Variants in TMCO6 observed in about 807,000 individuals in gnomAD.
TMCO6 encodes transmembrane and coiled-coil domains 6, also known as transmembrane and coiled-coil domain-containing protein 6.
A neutral mutation model predicts 61.8 loss-of-function variants in TMCO6; 47 were observed. The ratio of observed to expected loss-of-function variants is 0.76; its 90% CI spans 0.60 to 0.97. The LOEUF is 0.97. Among genes scored for constraint, TMCO6 ranks in the 50% least tolerant of loss-of-function variants. The pLI is 0.00. For missense variants in TMCO6, 557 were observed against 601.6 expected, an observed-to-expected ratio of 0.93 and a Z score of 0.78; for synonymous variants, 261 against 254.2, an observed-to-expected ratio of 1.03 and a Z score of -0.25.
At chr5:140,623,803 A>G in the TMCO6 span, among the ~76,000 whole-genome samples, 4 of 151,906 alleles carry the variant, frequency 2.6e-5, no homozygotes, top group East Asian at 1.9e-4. Flanking sequence ...CTAGTCTCAA[A>G]CTCCTGACCT....
the TMCO6 span, among the ~76,000 whole-genome samples, chr5:140,626,342 AT>A: frequency 0.15 from 23,515 of 152,050 alleles, 1,893 homozygotes; most frequent in Non-Finnish European, 0.17. Flanking sequence ...AAGATATCCA[AT>A]TTTAATCAGT....
intron 7 of TMCO6, 176 bp downstream of exon 7, chr5:140,643,217 C>T: frequency 8.1e-6 from 7 of 862,290 alleles, no homozygotes; most frequent in Non-Finnish European, 1.0e-5. Context: ...TTTTTTGAGA[C>T]AGTCTCACTC....
At chr5:140,630,411 A>G in the TMCO6 span, among the ~76,000 whole-genome samples, 1 of 152,242 alleles carries the variant, frequency 6.6e-6, no homozygotes, top group South Asian at 2.1e-4. Flanking sequence ...TGGCTTAACC[A>G]ACAGAAATTT....
chr5:140,647,623 C>G (rs760458290), downstream of TMCO6: 2 of 1,598,316 alleles, frequency 1.3e-6, no homozygotes, highest in Non-Finnish European at 1.7e-6. Flanking sequence ...GGTCTTCAGG[C>G]CAAGTGCTCC....
chr5:140,615,069 G>T, the TMCO6 span, among the ~76,000 whole-genome samples: 4 of 152,136 alleles, frequency 2.6e-5, no homozygotes, highest in African/African-American at 9.7e-5. Context: ...ATTCCAAAAA[G>T]CCTGTTATAA....
chr5:140,612,739 A>ACCG, the TMCO6 span, among the ~76,000 whole-genome samples: 4 of 152,212 alleles, frequency 2.6e-5, no homozygotes, highest in Non-Finnish European at 4.4e-5. Flanking sequence ...AAAGTTGAAA[A>ACCG]CAAAAGATCA....
At chr5:140,627,203 CT>C in the TMCO6 span, among the ~76,000 whole-genome samples, 257 of 147,530 alleles carry the variant, frequency 1.7e-3, no homozygotes, top group Non-Finnish European at 2.0e-3. Flanking sequence ...GTCTCAGCAA[CT>C]TTTTTTTTTT....
At chr5:140,617,466 G>T in the TMCO6 span, among the ~76,000 whole-genome samples, 2 of 152,148 alleles carry the variant, frequency 1.3e-5, no homozygotes, top group Non-Finnish European at 2.9e-5. Context: ...AGGCAGAATT[G>T]CTTGAACGTA....
the TMCO6 span, chr5:140,609,547 C>T: frequency 6.5e-6 from 1 of 153,910 alleles, no homozygotes; most frequent in Admixed American, 6.6e-5. Context: ...GGACCACACC[C>T]TGTCCTGGAT....
the TMCO6 span, chr5:140,633,357 C>T: frequency 1.8e-6 from 1 of 560,644 alleles, no homozygotes; most frequent in Non-Finnish European, 3.2e-6. Flanking sequence ...TTCTGCAGGG[C>T]ATCTAGGGTT....
chr5:140,616,891 A>C, the TMCO6 span, among the ~76,000 whole-genome samples: 1 of 151,726 alleles, frequency 6.6e-6, no homozygotes, highest in African/African-American at 2.4e-5. Flanking sequence ...CAAAAAATAA[A>C]TGTTAGGCAG....
rs35638510 is a variant in TMCO6 at position 140,644,684 on chromosome 5, G to A, written c.1312G>A (p.Glu438Lys). 1.5e-3 allele frequency: 2,359 copies of A among 1,614,254 alleles called. 26 individuals are homozygous for A. In the African/African-American group the frequency reaches 0.027, roughly 19 times the overall value. Residue 438 changes from glutamate (E) to lysine (K), a missense_variant, in exon 11 of 12, where the codon GAA (glutamate) becomes AAA (lysine). Glu to Lys is a moderately conservative substitution (Grantham distance 56, BLOSUM62 1). Coordinates refer to ENST00000394671, the MANE Select transcript of TMCO6 (RefSeq NM_018502.5). ...GCACACACTAGCCTTTTCTGACACT[G>A]AAGTAGTAGGCCAGAGTTTGGAGCT... ...LLHTLAFSDTEVVGQSLELLH... is the reference protein window; with the variant it reads ...LLHTLAFSDTKVVGQSLELLH...
In TMCO6 at chr5:140,643,452, C is replaced by T. The variant is rs112613335; in HGVS notation, c.807-112C>T. On this transcript the variant is annotated intron_variant, in intron 7 of 11. Transcript: ENST00000394671. ...CCTCAGGTGATCCACCCACCTCAGC[C>T]TCCCAAAGTGCTGGGATTACAGGCA... 5,077 of 1,007,042 alleles carry T rather than the reference C, an allele frequency of 5.0e-3. 163 individuals carry two copies. The African/African-American group carries it at 0.069, about 14-fold the overall frequency. 62.4% of individuals were successfully genotyped at this position (1,007,042 alleles called of 1,614,324 possible). A position where few individuals can be genotyped will look rare whatever the true frequency, so the allele number is the denominator to read the frequency against.
chr5:140,631,880 G>A, the TMCO6 span: 2 of 1,576,726 alleles, frequency 1.3e-6, no homozygotes, highest in South Asian at 2.3e-5. Flanking sequence ...GGGCCCCTTG[G>A]AGCAGCACCA....
At chr5:140,609,103 A>T in the TMCO6 span, 2 of 152,482 alleles carry the variant, frequency 1.3e-5, no homozygotes, top group African/African-American at 4.8e-5. Context: ...GTGCCACCCC[A>T]TGACTGGGGT....
chr5:140,605,692 A>AAC, the TMCO6 span, among the ~76,000 whole-genome samples: 9,685 of 118,520 alleles, frequency 0.082, 322 homozygotes, highest in Middle Eastern at 0.14. Flanking sequence ...AAAAAAACAA[A>AAC]ACACACACAC....
the TMCO6 span, among the ~76,000 whole-genome samples, chr5:140,606,108 CCCTTT>C: frequency 8.6e-6 from 1 of 116,726 alleles, no homozygotes; most frequent in Non-Finnish European, 1.7e-5. Flanking sequence ...TCTTTTCCTT[CCCTTT>C]CCTTTCCTTT....
chr5:140,646,291 G>A (rs1276069033), downstream of TMCO6, among the ~76,000 whole-genome samples: 4 of 152,106 alleles, frequency 2.6e-5, no homozygotes, highest in African/African-American at 4.8e-5. Flanking sequence ...GATTACAGGC[G>A]TGAACCACCG....
upstream of TMCO6, chr5:140,639,203 T>C (rs1756861126): frequency 3.4e-6 from 1 of 297,094 alleles, no homozygotes; most frequent in Non-Finnish European, 6.5e-6. Context: ...GCTGAGTAGA[T>C]TGTGACACTG....
Sources: gnomAD v4.1 joint callset for allele counts (sites outside exome capture counted in the v4.1 genomes callset) on GRCh38, gnomAD v4.1.1 for gene constraint, MANE v1.5 for transcripts, NCBI Gene and HGNC (gene_info 2026-07-23, HGNC 2026-07-21) for gene names.